The following CSMD3 variants were observed in gnomAD, a reference collection of about 807,000 sequenced individuals.
CSMD3 encodes CUB and Sushi multiple domains 3.
A neutral mutation model predicts 435.2 loss-of-function variants in CSMD3; 177 were observed. The ratio of observed to expected loss-of-function variants is 0.41; its 90% CI spans 0.36 to 0.46. The LOEUF is 0.46. Among genes scored for constraint, CSMD3 ranks in the 20% least tolerant of loss-of-function variants. The probability of loss-of-function intolerance (pLI) is 0.34; values close to 1 mark genes in which losing one functional copy is unlikely to be tolerated. For missense variants in CSMD3, 4,265 were observed against 4,504.6 expected, an observed-to-expected ratio of 0.95 and a Z score of 1.52; for synonymous variants, 1,656 against 1,520.5, an observed-to-expected ratio of 1.09 and a Z score of -2.07.
At position 112,638,720 on chromosome 8, in the gene CSMD3, C is replaced by T. The variant is rs2131588560; in HGVS notation, c.3502G>A (p.Glu1168Lys). The change falls in exon 21 of 71, where the codon GAA becomes AAA. Residue 1168 changes from glutamate (E) to lysine (K), a missense_variant. Physicochemically the swap from Glu to Lys is moderately conservative, Grantham distance 56 (BLOSUM62 1). Around this residue, in one of 3 missense-constraint regions of CSMD3, gnomAD observed 3,255 missense variants for 3,380.2 expected, o/e 0.96. Transcript: ENST00000297405. ...RFISDFSISY[E>K]GFNITFSEYN... ...CCAGAGAATGTTATGTTAAATCCTT[C>T]ATATGATATTGAAAAATCTGAAATG... 1 of 1,595,124 alleles carries T rather than the reference C, an allele frequency of 6.3e-7. No homozygotes were observed. The highest frequency in any genetic ancestry group is 8.6e-7 in the Non-Finnish European group (1 of 1,163,374).
At chr8:112,878,288 T>G (rs894019960) in intron 10 of CSMD3, among the ~76,000 whole-genome samples, 1 of 152,144 alleles carries the variant, frequency 6.6e-6, no homozygotes, top group Non-Finnish European at 1.5e-5. Context: ...AAAGAAGACA[T>G]GTATGCAGCC....
intron 10 of CSMD3, among the ~76,000 whole-genome samples, chr8:112,894,963 A>C (rs1011663557): frequency 6.6e-6 from 1 of 151,414 alleles, no homozygotes; most frequent in African/African-American, 2.4e-5. Context: ...GGAAGTAATC[A>C]CTTTTTGCTA....
At chr8:113,122,957 C>T (rs1441929228) in intron 4 of CSMD3, among the ~76,000 whole-genome samples, 1 of 151,148 alleles carries the variant, frequency 6.6e-6, no homozygotes, top group African/African-American at 2.4e-5. Flanking sequence ...AAAAAAAGGT[C>T]TGGCATGTCC....
chr8:112,354,395 C>T (rs899935517), intron 38 of CSMD3, among the ~76,000 whole-genome samples: 15 of 152,188 alleles, frequency 9.9e-5, no homozygotes, highest in African/African-American at 3.6e-4. Context: ...AAGGAAAAAA[C>T]AATAAGTCAA....
chr8:112,571,060 T>G lies in CSMD3; in HGVS notation c.4042+2441A>C, dbSNP rs367546326. Among the ~76,000 whole-genome samples, 301 of 152,274 alleles carry G rather than the reference T, an allele frequency of 2.0e-3. 3 individuals are homozygous for G. The highest frequency in any genetic ancestry group is 7.1e-3 in the African/African-American group (294 of 41,556). On this transcript the variant is annotated intron_variant, in intron 24 of 70. Transcript: ENST00000297405. ...TTCACTCTTGTTGCCTAGGCTGGAG[T>G]GCAATGGCGCAATCTTGGCTCACTG...
chr8:113,116,831 G>A (rs1291148246), intron 4 of CSMD3, among the ~76,000 whole-genome samples: 16 of 152,130 alleles, frequency 1.1e-4, no homozygotes, highest in Admixed American at 1.0e-3. Flanking sequence ...GGAACTTGTT[G>A]GGAACTGGAG....
At chr8:113,169,154 G>T (rs945528052) in intron 4 of CSMD3, among the ~76,000 whole-genome samples, 1 of 152,026 alleles carries the variant, frequency 6.6e-6, no homozygotes, top group African/African-American at 2.4e-5. Context: ...AATATAATAT[G>T]GTGACAAATC....
chr8:113,417,102 T>C (rs1253522111), intron 1 of CSMD3, among the ~76,000 whole-genome samples: 1 of 151,982 alleles, frequency 6.6e-6, no homozygotes, highest in Non-Finnish European at 1.5e-5. Flanking sequence ...TTTAGACAGA[T>C]ATCAAAGTAA....
intron 22 of CSMD3, among the ~76,000 whole-genome samples, chr8:112,621,856 CT>C (rs1195948961): frequency 1.3e-5 from 2 of 152,120 alleles, no homozygotes; most frequent in African/African-American, 4.8e-5. Flanking sequence ...TATCCTGTAA[CT>C]TTTTCTCAAA....
In CSMD3 at chr8:112,316,037, G is replaced by C. The variant is rs567820069; in HGVS notation, c.7361-1420C>G. ...AAAGTCTCCAACAAGTATAGGAGTA[G>C]AAAAGAGTAACTAACATAGTGGATT... On this transcript the variant is annotated intron_variant, in intron 47 of 70. Transcript: ENST00000297405. 2.0e-5 allele frequency among the ~76,000 whole-genome samples: 3 copies of C among 151,894 alleles called. No homozygotes were observed. The South Asian group carries it at 6.2e-4, about 31-fold the overall frequency.
chr8:112,593,043 A>G (rs1831333047), intron 22 of CSMD3, among the ~76,000 whole-genome samples: 1 of 152,214 alleles, frequency 6.6e-6, no homozygotes, highest in Non-Finnish European at 1.5e-5. Context: ...TGTGGTTCCA[A>G]ACGTAATCAA....
At chr8:113,278,790 A>G (rs1563643968) in intron 2 of CSMD3, 86 bp from the exon 3 acceptor site, 4 of 718,124 alleles carry the variant, frequency 5.6e-6, no homozygotes, top group Non-Finnish European at 7.6e-6. Context: ...TTTAAAAAAA[A>G]TAATAAAACA....
rs923793987 is a variant in CSMD3, at chr8:112,657,989, A to C, written c.2817-1648T>G. Among the ~76,000 whole-genome samples, 6 of 152,298 alleles carry C rather than the reference A, an allele frequency of 3.9e-5. No homozygotes were observed. The South Asian group carries it at 8.3e-4, about 21-fold the overall frequency. On this transcript the variant is annotated intron_variant, in intron 17 of 70. Coordinates refer to ENST00000297405, the MANE Select transcript of CSMD3 (RefSeq NM_198123.2). ...CTTTGCATATAGTAGACACTCAATA[A>C]ATATTTATTGGATCAAAGAAAAAAT...
chr8:112,973,701 T>C (rs887845771), intron 7 of CSMD3, among the ~76,000 whole-genome samples: 1 of 151,774 alleles, frequency 6.6e-6, no homozygotes, highest in Non-Finnish European at 1.5e-5. Context: ...CACTAAGCAA[T>C]AGAATAGTAG....
intron 3 of CSMD3, among the ~76,000 whole-genome samples, chr8:113,270,465 G>C (rs183754542): frequency 7.9e-5 from 12 of 152,160 alleles, no homozygotes; most frequent in Middle Eastern, 3.4e-3. Context: ...CCCAGCCATC[G>C]CATTACTGGG....
intron 53 of CSMD3, 106 bp downstream of exon 53, chr8:112,301,687 A>G (rs1431268372): frequency 2.2e-5 from 18 of 835,488 alleles, no homozygotes; most frequent in Middle Eastern, 2.3e-4. Flanking sequence ...TAACATACTT[A>G]CTGAATGAAT....
At chr8:112,383,935 T>C (rs1057349776) in intron 36 of CSMD3, among the ~76,000 whole-genome samples, 5 of 152,214 alleles carry the variant, frequency 3.3e-5, no homozygotes, top group African/African-American at 1.2e-4. Context: ...ACATTCTCTT[T>C]TCAAAAGATT....
At chr8:112,337,493 T>A (rs771126349) in intron 43 of CSMD3, 50 bp downstream of exon 43, 2 of 1,460,670 alleles carry the variant, frequency 1.4e-6, no homozygotes, top group African/African-American at 2.8e-5. Flanking sequence ...CAAAACAATA[T>A]TAAAAACAGA....
At chr8:113,070,892 T>A (rs1564279786) in intron 5 of CSMD3, among the ~76,000 whole-genome samples, 1 of 152,000 alleles carries the variant, frequency 6.6e-6, no homozygotes, top group South Asian at 2.1e-4. Context: ...TTGAGGAACC[T>A]CCATACTATT....
Sources: gnomAD v4.1 joint callset for allele counts (sites outside exome capture counted in the v4.1 genomes callset) on GRCh38, gnomAD v4.1.1 for gene constraint, gnomAD v4.1.1 regional missense constraint, MANE v1.5 for transcripts, NCBI Gene and HGNC (gene_info 2026-07-23, HGNC 2026-07-21) for gene names.